Variants in KIRREL2 observed in about 807,000 individuals in gnomAD.
KIRREL2 encodes the protein kirre like nephrin family adhesion molecule 2, also known as kin of IRRE-like protein 2.
Under a neutral mutation model 73.4 loss-of-function variants are expected in KIRREL2, and 56 were observed. That is an observed-to-expected ratio of 0.76 (90% CI 0.62 to 0.95). KIRREL2 has a LOEUF of 0.95. Among genes scored for constraint, KIRREL2 ranks in the 40% least tolerant of loss-of-function variants. The pLI, the probability that KIRREL2 is intolerant of heterozygous loss-of-function variation, is 0.00. For synonymous variants in KIRREL2, 407 were observed against 404.0 expected (o/e 1.01, Z -0.09); for missense variants, 896 against 935.0 (o/e 0.96, Z 0.54).
At chr19:35,853,493 AT>A (rs751071497), upstream of KIRREL2, among the ~76,000 whole-genome samples, 28 of 151,310 alleles carry the variant, frequency 1.9e-4, no homozygotes, top group Non-Finnish European at 2.1e-4. Flanking sequence ...CCCTCCCTCT[AT>A]CTATCTTGAT....
Position 35,862,986 on chromosome 19 carries a change from T to A in KIRREL2, c.1675T>A (p.Ser559Thr), listed in dbSNP as rs768868861. 14 of 1,593,536 alleles carry A rather than the reference T, an allele frequency of 8.8e-6. 1 individual carries two copies. The highest frequency in any genetic ancestry group is 1.7e-4 in the Middle Eastern group (1 of 6,034). The stretch of plus-strand genomic sequence containing the variant: ...GCGAATCCCTGGCAGCAGCGACGGC[T>A]CCAGTTCACGAGGTCCTGAAGAAGA... ...LMRIPGSSDG[S>T]SSRGPEEEET... The change falls in exon 13 of 15, where the codon TCC (serine) becomes ACC (threonine). Residue 559 changes from serine (S) to threonine (T), a missense_variant. Coordinates refer to ENST00000360202, the MANE Select transcript of KIRREL2 (RefSeq NM_199180.4).
At chr19:35,857,990 C>CAAA (rs112446441) in intron 2 of KIRREL2, among the ~76,000 whole-genome samples, 11 of 78,260 alleles carry the variant, frequency 1.4e-4, no homozygotes, top group African/African-American at 3.4e-4. Context: ...GACCCTGTCT[C>CAAA]AAAAAAAAAA....
At chr19:35,864,516 G>T in intron 13 of KIRREL2, 132 bp from the exon 14 acceptor site, 1 of 667,756 alleles carries the variant, frequency 1.5e-6, no homozygotes, top group South Asian at 1.9e-5. Flanking sequence ...TGTCCTGAGT[G>T]CAGTCCCCAG....
upstream of KIRREL2, chr19:35,851,625 C>T (rs747796960): frequency 5.0e-5 from 81 of 1,613,808 alleles, no homozygotes; most frequent in Non-Finnish European, 6.6e-5. Flanking sequence ...TCAGGCAGGG[C>T]CCAGAAGCCC....
In KIRREL2 at chr19:35,857,092, G is replaced by T; in HGVS notation, c.-28G>T. 6.2e-7 allele frequency: 1 copy of T among 1,613,664 alleles called. No individual in the cohort carries two copies. On this transcript the variant is annotated 5_prime_UTR_variant, in exon 1 of 15. Transcript: ENST00000360202. ...AAGTTGACGGGAAGGCCAGTGCGAC[G>T]GCAAATCTCGTGAACCTTGGGGGAC...
intron 13 of KIRREL2, 144 bp downstream of exon 13, chr19:35,863,180 A>ACAAGGAT (rs924581669): frequency 1.7e-6 from 1 of 595,212 alleles, no homozygotes; most frequent in Non-Finnish European, 3.0e-6. Context: ...AGGTGGAGAC[A>ACAAGGAT]CAAGGATCAC....
At chr19:35,862,650 C>T (rs1973758862) in intron 12 of KIRREL2, 53 bp downstream of exon 12, 2 of 1,367,350 alleles carry the variant, frequency 1.5e-6, no homozygotes, top group Non-Finnish European at 2.1e-6. Context: ...CACACGCGCC[C>T]TGCCTGCCCA....
rs746014524 is a variant in KIRREL2 at position 35,862,544 on chromosome 19, C to A, written c.1562C>A (p.Thr521Asn). 6.2e-7 allele frequency: 1 copy of A among 1,610,680 alleles called. No homozygotes were observed. The highest frequency in any genetic ancestry group is 8.5e-7 in the Non-Finnish European group (1 of 1,180,000). Residue 521 changes from threonine (T) to asparagine (N), a missense_variant, in exon 12 of 15, where the codon ACT becomes AAT. Transcript: ENST00000360202. ...IVAGVAAATT[T>N]LLMVITGVAL... is the part of the protein sequence containing the mutation. ...GCCGGAGTGGCCGCTGCCACCACAA[C>A]TCTCCTTATGGTCATCACTGGGGTG...
chr19:35,855,656 T>TACACACAC (rs57458964), upstream of KIRREL2, among the ~76,000 whole-genome samples: 733 of 84,914 alleles, frequency 8.6e-3, 16 homozygotes, highest in South Asian at 0.026. Context: ...CACCTCCCCA[T>TACACACAC]ACACACACAC....
intron 4 of KIRREL2, 88 bp from the exon 5 acceptor site, chr19:35,859,393 A>C: frequency 8.1e-7 from 1 of 1,233,388 alleles, no homozygotes; most frequent in Non-Finnish European, 1.2e-6. Flanking sequence ...GCCTAAGACA[A>C]TTCTTCTTCC....
At chr19:35,860,189 A>G in intron 5 of KIRREL2, 108 bp from the exon 6 acceptor site, 2 of 843,194 alleles carry the variant, frequency 2.4e-6, no homozygotes, top group Non-Finnish European at 3.7e-6. Context: ...GGAGAAGGGG[A>G]TTAGGGGCCC....
In KIRREL2 at chr19:35,861,984, G is replaced by A; in HGVS notation, c.1470G>A (p.Arg490=). The A allele has an allele frequency of 6.2e-7, 1 of 1,612,230 alleles. No homozygotes were observed. Among genetic ancestry groups the A allele is most frequent in the East Asian group, 2.2e-5 (1 of 44,808 alleles). The change falls in exon 11 of 15, where the codon CGG becomes CGA. Residue 490 remains arginine (R), a synonymous_variant. Transcript: ENST00000360202. ...GCTTTAACTGCAGTGCCCGGAACCG[G>A]CTGGGCGAGGGAGGTGCCCAGGCCA... ...SRSFNCSARN[R]LGEGGAQASL...
At position 35,866,173 on chromosome 19, in the gene KIRREL2, A is replaced by T. The variant is rs1478806185; in HGVS notation, c.1808A>T (p.Tyr603Phe). The change falls in exon 15 of 15, where the codon TAC becomes TTC. Residue 603 changes from tyrosine (Y) to phenylalanine (F), a missense_variant. Coordinates refer to ENST00000360202, the MANE Select transcript of KIRREL2 (RefSeq NM_199180.4). The stretch of plus-strand genomic sequence containing the variant: ...TCCCCTCAGGACCCAACCAACGGTT[A>T]CTACAAGGTCCGAGGAGTCAGTGTG... ...TLETKDPTNG[Y>F]YKVRGVSVSL... The T allele has an allele frequency of 6.2e-7, 1 of 1,608,738 alleles. No individual in the cohort carries two copies. The highest frequency in any genetic ancestry group is 1.1e-5 in the South Asian group (1 of 90,546).
At chr19:35,864,764 T>C (rs1599873013) in intron 14 of KIRREL2, 51 bp downstream of exon 14, 1 of 1,392,860 alleles carries the variant, frequency 7.2e-7, no homozygotes, top group Non-Finnish European at 1.0e-6. Context: ...GAGGCGGGGC[T>C]CCCTTCATTG....
In KIRREL2 at chr19:35,862,727, C is replaced by T. The variant is rs369700320; in HGVS notation, c.1615+130C>T. 4.0e-4 allele frequency: 300 copies of T among 751,854 alleles called. 5 individuals carry two copies. Among genetic ancestry groups the T allele is most frequent in the South Asian group, 3.8e-3 (242 of 63,448 alleles). The allele number at this position is 751,854 out of a possible 1,614,324, so 46.6% of individuals were successfully genotyped here. ...CCAGCTCTGCACAGGGCTTAGCTCT[C>T]CTTCACGTTCTGGTTCCCTCCTTAA... On this transcript the variant is annotated intron_variant, in intron 12 of 14. Coordinates refer to ENST00000360202, the MANE Select transcript of KIRREL2 (RefSeq NM_199180.4).
At chr19:35,855,653 CCATACA>C (rs1266030546), upstream of KIRREL2, among the ~76,000 whole-genome samples, 21 of 87,380 alleles carry the variant, frequency 2.4e-4, no homozygotes, top group Non-Finnish European at 7.2e-5. Flanking sequence ...CCGCACCTCC[CCATACA>C]CACACACACA....
chr19:35,861,668 C>A (rs1973693238), intron 10 of KIRREL2, 27 bp downstream of exon 10: 1 of 1,608,676 alleles, frequency 6.2e-7, no homozygotes, highest in Non-Finnish European at 8.5e-7. Flanking sequence ...CCTCCCGTGA[C>A]CCATCCAGCC....
intron 5 of KIRREL2, among the ~76,000 whole-genome samples, chr19:35,859,836 G>A (rs751642223): frequency 1.2e-4 from 19 of 152,186 alleles, no homozygotes; most frequent in Non-Finnish European, 2.8e-4. Context: ...TCTAAGATCA[G>A]GAGTTCGAGA....
Position 35,859,589 on chromosome 19 carries a change from C to G in KIRREL2, c.631C>G (p.Leu211Val). ...TGTCTGCCGGGCCCGGAGCCAGGCC[C>G]TGCCCACAGGAAGAGACACAGCTAT... ...TFVCRARSQA[L>V]PTGRDTAITL... Residue 211 changes from leucine to valine, a missense_variant, in exon 5 of 15, where the codon CTG becomes GTG. Leu to Val is a conservative substitution (Grantham distance 32). Coordinates refer to ENST00000360202, the MANE Select transcript of KIRREL2 (RefSeq NM_199180.4). 2 of 1,614,094 alleles carry G rather than the reference C, an allele frequency of 1.2e-6. No individual in the cohort carries two copies. The highest frequency in any genetic ancestry group is 1.7e-6 in the Non-Finnish European group (2 of 1,180,034).
Sources: gnomAD v4.1 joint callset for allele counts (sites outside exome capture counted in the v4.1 genomes callset) on GRCh38, gnomAD v4.1.1 for gene constraint, MANE v1.5 for transcripts, NCBI Gene and HGNC (gene_info 2026-07-23, HGNC 2026-07-21) for gene names.